Variants in FSIP2 observed in about 807,000 individuals in gnomAD.
FSIP2 encodes fibrous sheath-interacting protein 2.
In FSIP2, 367 loss-of-function variants were observed where a neutral mutation model predicts 510.5. That is an observed-to-expected ratio of 0.72 (90% CI 0.66 to 0.78). The LOEUF (loss-of-function observed/expected upper bound fraction) is 0.78. Among genes scored for constraint, FSIP2 ranks in the 30% least tolerant of loss-of-function variants. FSIP2 has a pLI of 0.00. For synonymous variants in FSIP2, 2,601 were observed against 2,732.2 expected (o/e 0.95, Z 1.50); for missense variants, 7,594 against 7,901.7 (o/e 0.96, Z 1.48).
At chr2:185,763,537 G>A (rs1276369558) in intron 12 of FSIP2, among the ~76,000 whole-genome samples, 2 of 151,530 alleles carry the variant, frequency 1.3e-5, no homozygotes, top group Non-Finnish European at 3.0e-5. Context: ...TTCTTTGACT[G>A]GGCTTGTACA....
In FSIP2 at chr2:185,831,848, T is replaced by C; in HGVS notation, c.20553T>C (p.Leu6851=). 7.5e-6 allele frequency: 12 copies of C among 1,609,724 alleles called. No homozygotes were observed. The highest frequency in any genetic ancestry group is 2.2e-5 in the South Asian group (2 of 90,970). The change falls in exon 22 of 23, where the codon CTT becomes CTC. Residue 6851 remains leucine (L), a synonymous_variant. Transcript: ENST00000424728. ...ITIFERSKDV[L]GSANPSKEVI... ...TCTTTGAAAGATCCAAGGATGTTCT[T>C]GGCAGTGCAAATCCCTCAAAGGAAG...
rs1156517864 is a variant in FSIP2 at position 185,794,264 on chromosome 2, A to G, written c.7128A>G (p.Pro2376=). The G allele has an allele frequency of 1.3e-6, 2 of 1,529,802 alleles. No individual in the cohort carries two copies. 94.8% of individuals were successfully genotyped at this position (1,529,802 alleles called of 1,614,324 possible). The change falls in exon 16 of 23, where the codon CCA becomes CCG. Residue 2376 remains proline (P), a synonymous_variant. Coordinates refer to ENST00000424728, the MANE Select transcript of FSIP2 (RefSeq NM_173651.4). ...DLDLEIQKIY[P]YQNNILFQEN... ...ACTTAGAAATTCAAAAGATATATCCATATCAAAACAATATTTTGTTCCAAG... is the reference window on the plus strand; with the variant it reads ...ACTTAGAAATTCAAAAGATATATCCGTATCAAAACAATATTTTGTTCCAAG...
chr2:185,758,442 G>A (rs1033110396), intron 9 of FSIP2, among the ~76,000 whole-genome samples: 1 of 151,194 alleles, frequency 6.6e-6, no homozygotes, highest in African/African-American at 2.4e-5. Flanking sequence ...CACATATTAT[G>A]TATGTTATAT....
chr2:185,804,625 C>T lies in FSIP2; in HGVS notation c.15319C>T (p.Pro5107Ser), dbSNP rs1194112162. 6.5e-7 allele frequency: 1 copy of T among 1,533,112 alleles called. No individual in the cohort carries two copies. Among genetic ancestry groups the T allele is most frequent in the Non-Finnish European group, 8.7e-7 (1 of 1,144,848 alleles). The allele number at this position is 1,533,112 out of a possible 1,614,324, so 95.0% of individuals were successfully genotyped here. Residue 5107 changes from proline (P) to serine (S), a missense_variant, in exon 17 of 23, where the codon CCA (proline) becomes TCA (serine). Pro to Ser is a moderately conservative substitution (Grantham distance 74, BLOSUM62 -1). Coordinates refer to ENST00000424728, the MANE Select transcript of FSIP2 (RefSeq NM_173651.4). Reference protein sequence around the residue: ...NIITKDSHALPPYITVLPHSL... With the variant: ...NIITKDSHALSPYITVLPHSL... ...AATCACAAAGGATAGCCATGCCTTG[C>T]CACCATATATTACTGTGTTGCCTCA...
chr2:185,738,273 G>A, upstream of FSIP2: 2 of 293,848 alleles, frequency 6.8e-6, no homozygotes, highest in Non-Finnish European at 1.3e-5. Context: ...TGAGGAGAAA[G>A]AGGGAAATAG....
In FSIP2 at chr2:185,789,558, T is replaced by G. The variant is rs564809187; in HGVS notation, c.2422T>G (p.Ser808Ala). The G allele has an allele frequency of 7.0e-4, 1,072 of 1,534,688 alleles. No homozygotes were observed. Among genetic ancestry groups the G allele is most frequent in the Non-Finnish European group, 8.7e-4 (997 of 1,145,910 alleles). Residue 808 changes from serine to alanine, a missense_variant, in exon 16 of 23, where the codon TCA (serine) becomes GCA (alanine). Transcript: ENST00000424728. ...TSSNGKPLKN[S>A]MPHTLDPMCD... is the part of the protein sequence containing the mutation. Reference sequence around the variant, plus strand: ...ATCTAATGGAAAACCTTTGAAAAATTCAATGCCTCATACTTTGGACCCAAT... The same window carrying G: ...ATCTAATGGAAAACCTTTGAAAAATGCAATGCCTCATACTTTGGACCCAAT...
rs1693250492 is a variant in FSIP2, at chr2:185,795,634, G to C, written c.8498G>C (p.Arg2833Thr). The C allele has an allele frequency of 6.5e-7, 1 of 1,534,664 alleles. No homozygotes were observed. The highest frequency in any genetic ancestry group is 1.2e-5 in the South Asian group (1 of 83,930). ...TCACAGCTAGAGCACATTTTTCCTA[G>C]AGAAGGTATATTTAAAAAATTGTTT... ...VSSQLEHIFP[R>T]EGIFKKLFDK... The change falls in exon 16 of 23, where the codon AGA (arginine) becomes ACA (threonine). Residue 2833 changes from arginine to threonine, a missense_variant. Transcript: ENST00000424728.
intron 6 of FSIP2, 97 bp downstream of exon 6, chr2:185,746,907 T>C: frequency 1.2e-6 from 1 of 830,396 alleles, no homozygotes; most frequent in East Asian, 2.7e-5. Context: ...CTTGAAGTCA[T>C]TTCAGTTCAA....
chr2:185,806,269 G>A lies in FSIP2; in HGVS notation c.16963G>A (p.Glu5655Lys). The A allele has an allele frequency of 5.0e-6, 8 of 1,609,596 alleles. No individual in the cohort carries two copies. In the Middle Eastern group the frequency reaches 9.9e-4, roughly 200 times the overall value. The change falls in exon 17 of 23, where the codon GAG (glutamate) becomes AAG (lysine). Residue 5655 changes from glutamate to lysine, a missense_variant. Glu to Lys is a moderately conservative substitution (Grantham distance 56, BLOSUM62 1). Coordinates refer to ENST00000424728, the MANE Select transcript of FSIP2 (RefSeq NM_173651.4). Reference sequence around the variant, plus strand: ...AATAAGAATTCGAACATCAAGCAATGAGGGGAGAAGAGACTCTCCAACACA... The same window carrying A: ...AATAAGAATTCGAACATCAAGCAATAAGGGGAGAAGAGACTCTCCAACACA... ...LEIRIRTSSN[E>K]GRRDSPTQTC... is the part of the protein sequence containing the mutation.
Position 185,791,731 on chromosome 2 carries a change from A to T in FSIP2, c.4595A>T (p.Lys1532Ile). The change falls in exon 16 of 23, where the codon AAA becomes ATA. Residue 1532 changes from lysine (K) to isoleucine (I), a missense_variant. Transcript: ENST00000424728. ...SFASIIEKMAKSTKIISSIVS... is the reference protein window; with the variant it reads ...SFASIIEKMAISTKIISSIVS... ...GCTTCAATTATTGAGAAAATGGCCAAATCCACCAAAATAATCTCCAGCATA... is the reference window on the plus strand; with the variant it reads ...GCTTCAATTATTGAGAAAATGGCCATATCCACCAAAATAATCTCCAGCATA... The T allele has an allele frequency of 6.5e-7, 1 of 1,534,544 alleles. No individual in the cohort carries two copies.
At chr2:185,828,953 C>T (rs1035451343) in intron 21 of FSIP2, among the ~76,000 whole-genome samples, 32 of 151,870 alleles carry the variant, frequency 2.1e-4, no homozygotes, top group African/African-American at 7.2e-4. Context: ...TTATAACTTA[C>T]ACTTAAGATA....
chr2:185,796,429 ACAACGAAATAAGC>A lies in FSIP2; in HGVS notation c.9297_9309del (p.Asn3099LysfsTer10), dbSNP rs1321879235. The A allele has an allele frequency of 1.3e-6, 2 of 1,534,718 alleles. No individual in the cohort carries two copies. Among genetic ancestry groups the A allele is most frequent in the South Asian group, 2.4e-5 (2 of 83,984 alleles). ...CTTGCTGTAATTAAGAACAAGCTAGACAACGAAATAAGCCAAATGGAACCATCTTCAATTAGCA... is the reference window on the plus strand; with the variant it reads ...CTTGCTGTAATTAAGAACAAGCTAGACAAATGGAACCATCTTCAATTAGCA... On this transcript the variant is annotated frameshift_variant, in exon 16 of 23. Coordinates refer to ENST00000424728, the MANE Select transcript of FSIP2 (RefSeq NM_173651.4). LOFTEE classifies it high-confidence loss of function.
In FSIP2 at chr2:185,792,328, C is replaced by T. The variant is rs1025139136; in HGVS notation, c.5192C>T (p.Ala1731Val). 1 of 1,529,374 alleles carries T rather than the reference C, an allele frequency of 6.5e-7. No homozygotes were observed. Among genetic ancestry groups the T allele is most frequent in the African/African-American group, 1.4e-5 (1 of 72,358 alleles). The allele number at this position is 1,529,374 out of a possible 1,614,324, so 94.7% of individuals were successfully genotyped here. Residue 1731 changes from alanine (A) to valine (V), a missense_variant, in exon 16 of 23, where the codon GCA becomes GTA. Ala to Val is a moderately conservative substitution (Grantham distance 64). Transcript: ENST00000424728. ...TCAGATTCATTTCTAGAAGATGATG[C>T]ATATACAGCGAAAAAAATTATTGAT... ...AESDSFLEDD[A>V]YTAKKIIDER...
At position 185,800,375 on chromosome 2, in the gene FSIP2, G is replaced by T; in HGVS notation, c.11069G>T (p.Ser3690Ile). The T allele has an allele frequency of 6.5e-7, 1 of 1,526,994 alleles. No individual in the cohort carries two copies. Among genetic ancestry groups the T allele is most frequent in the Non-Finnish European group, 8.7e-7 (1 of 1,143,678 alleles). The allele number at this position is 1,526,994 out of a possible 1,614,324, so 94.6% of individuals were successfully genotyped here. A position where few individuals can be genotyped will look rare whatever the true frequency, so the allele number is the denominator to read the frequency against. ...AGCCTGGTTGGTAACCTAAAAACAA[G>T]TGAATCCAAAGAAGTAGTCAATAAA... ...LNSLVGNLKT[S>I]ESKEVVNKVF... The change falls in exon 17 of 23, where the codon AGT (serine) becomes ATT (isoleucine). Residue 3690 changes from serine (S) to isoleucine (I), a missense_variant. Transcript: ENST00000424728.
intron 8 of FSIP2, 121 bp downstream of exon 8, chr2:185,753,963 T>C: frequency 1.6e-6 from 1 of 615,966 alleles, no homozygotes; most frequent in East Asian, 3.3e-5. Flanking sequence ...GACATTGTTC[T>C]AGGCATTTCT....
intron 14 of FSIP2, among the ~76,000 whole-genome samples, chr2:185,784,479 T>C (rs1692921737): frequency 6.6e-6 from 1 of 152,040 alleles, no homozygotes; most frequent in South Asian, 2.1e-4. Flanking sequence ...CAGAACCAGC[T>C]CCCAAAAGCT....
intron 18 of FSIP2, 112 bp downstream of exon 18, chr2:185,814,154 C>A: frequency 2.8e-6 from 3 of 1,090,872 alleles, no homozygotes; most frequent in South Asian, 1.6e-5. Context: ...AATTCAATCT[C>A]AAGCCTGGTG....
At chr2:185,823,049 A>G (rs1693952570) in intron 19 of FSIP2, among the ~76,000 whole-genome samples, 1 of 151,918 alleles carries the variant, frequency 6.6e-6, no homozygotes. Flanking sequence ...TACACCATAT[A>G]CAAAAATTAA....
At chr2:185,809,251 C>G in intron 17 of FSIP2, 118 bp downstream of exon 17, 1 of 1,120,634 alleles carries the variant, frequency 8.9e-7, no homozygotes, top group Non-Finnish European at 1.2e-6. Flanking sequence ...TTTCTCAGCC[C>G]AATAGGAGAA....
Sources: gnomAD v4.1 joint callset for allele counts (sites outside exome capture counted in the v4.1 genomes callset) on GRCh38, gnomAD v4.1.1 for gene constraint, MANE v1.5 for transcripts, NCBI Gene and HGNC (gene_info 2026-07-23, HGNC 2026-07-21) for gene names.